Variants in GPHN observed in about 807,000 individuals in gnomAD.
The protein encoded by GPHN is gephyrin.
A neutral mutation model predicts 95.5 loss-of-function variants in GPHN; 17 were observed. The observed-to-expected ratio is 0.18, with a 90% CI of 0.12 to 0.27. GPHN has a LOEUF of 0.27. Among genes scored for constraint, GPHN ranks in the 10% least tolerant of loss-of-function variants. GPHN has a pLI of 1.00. For missense variants in GPHN, 660 were observed against 978.1 expected, an observed-to-expected ratio of 0.67 and a Z score of 4.34; for synonymous variants, 320 against 322.5, an observed-to-expected ratio of 0.99 and a Z score of 0.08.
chr14:66,536,094 T>C (rs921369264), intron 1 of GPHN, among the ~76,000 whole-genome samples: 2 of 152,148 alleles, frequency 1.3e-5, no homozygotes, highest in African/African-American at 2.4e-5. Flanking sequence ...GAAGTTCTTA[T>C]CTATTCCTAG....
chr14:67,651,749 A>G, the GPHN span: 1 of 289,284 alleles, frequency 3.5e-6, no homozygotes, highest in Admixed American at 4.8e-5. Context: ...TACTTCCTTT[A>G]AAAATAGCTT....
chr14:67,176,797 A>G (rs1176700367), intron 21 of GPHN, among the ~76,000 whole-genome samples: 1 of 152,114 alleles, frequency 6.6e-6, no homozygotes, highest in Non-Finnish European at 1.5e-5. Flanking sequence ...TTCCTGGTTT[A>G]GTCTTGGGAG....
At chr14:67,117,114 A>G (rs2078741428) in intron 16 of GPHN, among the ~76,000 whole-genome samples, 1 of 152,256 alleles carries the variant, frequency 6.6e-6, no homozygotes, top group African/African-American at 2.4e-5. Context: ...GTAAAGAGTT[A>G]CTGACCACTA....
chr14:67,392,368 C>A, the GPHN span: 1 of 1,613,900 alleles, frequency 6.2e-7, no homozygotes, highest in Non-Finnish European at 8.5e-7. Flanking sequence ...TGCCACTTAA[C>A]TCCACAGTGC....
the GPHN span, chr14:67,471,173 A>C: frequency 6.6e-6 from 1 of 152,192 alleles, no homozygotes; most frequent in Admixed American, 6.5e-5. Flanking sequence ...TGCACTTGGG[A>C]AAGTATAGGA....
intron 2 of GPHN, among the ~76,000 whole-genome samples, chr14:66,771,139 A>G (rs1460843741): frequency 6.6e-6 from 1 of 152,158 alleles, no homozygotes; most frequent in Non-Finnish European, 1.5e-5. Flanking sequence ...TCACTCCTCT[A>G]TAACTTTCAT....
At chr14:66,781,808 G>A (rs547606913) in intron 3 of GPHN, among the ~76,000 whole-genome samples, 65 of 152,198 alleles carry the variant, frequency 4.3e-4, no homozygotes, top group African/African-American at 1.5e-3. Context: ...CATTTGGGAC[G>A]ATTATGAAAA....
the GPHN span, among the ~76,000 whole-genome samples, chr14:67,697,291 T>C: frequency 1.3e-5 from 2 of 152,112 alleles, no homozygotes; most frequent in Admixed American, 1.3e-4. Context: ...GAGTTCTAGA[T>C]CAGGAGAGGC....
chr14:67,009,502 T>C (rs957145047), intron 9 of GPHN, among the ~76,000 whole-genome samples: 1 of 152,098 alleles, frequency 6.6e-6, no homozygotes, highest in African/African-American at 2.4e-5. Context: ...ATAACGTTAA[T>C]GGGTCTAGGG....
chr14:66,614,649 C>CATATTTTTTG (rs748261721), intron 1 of GPHN, among the ~76,000 whole-genome samples: 7 of 149,370 alleles, frequency 4.7e-5, no homozygotes, highest in Non-Finnish European at 8.9e-5. Flanking sequence ...GATAATAGTG[C>CATATTTTTTG]ATATTTTTTG....
At chr14:66,649,343 A>G (rs1053558564) in intron 1 of GPHN, among the ~76,000 whole-genome samples, 1 of 151,890 alleles carries the variant, frequency 6.6e-6, no homozygotes, top group Non-Finnish European at 1.5e-5. Context: ...CTTAAAAAAA[A>G]AAACAAAAAC....
At chr14:67,684,039 C>A in the GPHN span, among the ~76,000 whole-genome samples, 2 of 152,174 alleles carry the variant, frequency 1.3e-5, no homozygotes, top group African/African-American at 4.8e-5. Flanking sequence ...TGCTTCAGGG[C>A]CTCTTTCACA....
chr14:67,422,826 CT>C, the GPHN span, among the ~76,000 whole-genome samples: 3,845 of 115,826 alleles, frequency 0.033, 121 homozygotes, highest in African/African-American at 0.12. Flanking sequence ...CTTTCCCCAT[CT>C]TTTTTTTTTT....
At chr14:66,583,926 G>C (rs2061313141) in intron 1 of GPHN, among the ~76,000 whole-genome samples, 1 of 152,086 alleles carries the variant, frequency 6.6e-6, no homozygotes, top group Admixed American at 6.6e-5. Context: ...TGTGAAGAAA[G>C]TCATTGGTAG....
At chr14:67,005,834 A>G (rs1030007341) in intron 9 of GPHN, among the ~76,000 whole-genome samples, 1 of 151,920 alleles carries the variant, frequency 6.6e-6, no homozygotes, top group African/African-American at 2.4e-5. Context: ...GTTATTATAT[A>G]AAATAATTTT....
At chr14:66,773,599 A>G (rs1328979511) in intron 2 of GPHN, among the ~76,000 whole-genome samples, 2 of 152,066 alleles carry the variant, frequency 1.3e-5, no homozygotes, top group Non-Finnish European at 2.9e-5. Flanking sequence ...TGATCCTCCC[A>G]TCTCGGCCTC....
rs1294818611 is a variant in GPHN at position 66,922,689 on chromosome 14, A to G, written c.480A>G (p.Pro160=). ...GSQECFQFIL[P]ALPHAIDLLR... Reference sequence around the variant, plus strand: ...AGGAATGCTTTCAATTCATACTGCCAGCTCTACCTCATGCCATTGACCTTT... The same window carrying G: ...AGGAATGCTTTCAATTCATACTGCCGGCTCTACCTCATGCCATTGACCTTT... Residue 160 remains proline (P), a synonymous_variant, in exon 7 of 23, where the codon CCA becomes CCG. Coordinates refer to ENST00000478722, the MANE Select transcript of GPHN (RefSeq NM_020806.5). 1 of 1,613,240 alleles carries G rather than the reference A, an allele frequency of 6.2e-7. No homozygotes were observed. The highest frequency in any genetic ancestry group is 2.2e-5 in the East Asian group (1 of 44,852).
At chr14:66,947,932 G>T (rs1423421671) in intron 8 of GPHN, among the ~76,000 whole-genome samples, 1 of 152,132 alleles carries the variant, frequency 6.6e-6, no homozygotes, top group Non-Finnish European at 1.5e-5. Context: ...CTCCAATCTG[G>T]ATGACAGAGC....
intron 1 of GPHN, among the ~76,000 whole-genome samples, chr14:66,619,747 G>A (rs2063208911): frequency 6.6e-6 from 1 of 151,882 alleles, no homozygotes. Context: ...ATTTTAATTG[G>A]CATTTTAAAA....
Sources: gnomAD v4.1 joint callset for allele counts (sites outside exome capture counted in the v4.1 genomes callset) on GRCh38, gnomAD v4.1.1 for gene constraint, MANE v1.5 for transcripts, NCBI Gene and HGNC (gene_info 2026-07-23, HGNC 2026-07-21) for gene names.